Variants in TTLL11 observed in about 807,000 individuals in gnomAD.
TTLL11 encodes tubulin polyglutamylase TTLL11.
A neutral mutation model predicts 51.7 loss-of-function variants in TTLL11; 42 were observed. That is an observed-to-expected ratio of 0.81 (90% CI 0.64 to 1.05). TTLL11 has a LOEUF of 1.05. TTLL11 is among the 50% of genes least tolerant of loss of function. The probability of loss-of-function intolerance (pLI) is 0.00; values close to 1 mark genes in which losing one functional copy is unlikely to be tolerated. For synonymous variants in TTLL11, 381 were observed against 383.5 expected (o/e 0.99, Z 0.08); for missense variants, 799 against 940.4 (o/e 0.85, Z 1.97).
chr9:121,819,457 C>A lies in TTLL11; in HGVS notation c.*3130G>T, dbSNP rs941779661. On this transcript the variant is annotated 3_prime_UTR_variant, in exon 9 of 9. Coordinates refer to ENST00000321582, the MANE Select transcript of TTLL11 (RefSeq NM_001139442.2). ...TAACTTGTCATACTTGGATGTGAAC[C>A]CCCCAAACTGAGCACAGGCTGAGCT... 6.6e-6 allele frequency: 1 copy of A among 152,516 alleles called. No individual in the cohort carries two copies. The highest frequency in any genetic ancestry group is 2.1e-4 in the South Asian group (1 of 4,830). 9.4% of individuals were successfully genotyped at this position (152,516 alleles called of 1,614,324 possible).
chr9:121,876,853 G>A (rs959310739), intron 6 of TTLL11, among the ~76,000 whole-genome samples: 3 of 152,192 alleles, frequency 2.0e-5, no homozygotes, highest in African/African-American at 7.2e-5. Context: ...AACTCTGAGT[G>A]GGCTGGGCAG....
chr9:122,005,769 G>T (rs1166901340), intron 3 of TTLL11, among the ~76,000 whole-genome samples: 1 of 152,152 alleles, frequency 6.6e-6, no homozygotes, highest in African/African-American at 2.4e-5. Flanking sequence ...GGATCCATCC[G>T]TGTAACTCAG....
At chr9:121,941,712 C>A (rs1200668664) in intron 6 of TTLL11, among the ~76,000 whole-genome samples, 1 of 152,198 alleles carries the variant, frequency 6.6e-6, no homozygotes, top group Admixed American at 6.5e-5. Flanking sequence ...TGCCAACTGG[C>A]CCTGCAGCCT....
At chr9:121,923,800 A>G (rs1840623010) in intron 6 of TTLL11, among the ~76,000 whole-genome samples, 1 of 152,172 alleles carries the variant, frequency 6.6e-6, no homozygotes, top group Non-Finnish European at 1.5e-5. Flanking sequence ...TTCATCCTCA[A>G]CTGAAAGAAT....
Position 121,924,492 on chromosome 9 carries a change from G to A in TTLL11, c.1481+49517C>T, listed in dbSNP as rs1840649239. ...GTTCTCATCACAACGTAGCTGAAAA[G>A]GGTTAGGAGATATTGAGAACAATCC... On this transcript the variant is annotated intron_variant, in intron 6 of 8. Coordinates refer to ENST00000321582, the MANE Select transcript of TTLL11 (RefSeq NM_001139442.2). 3.9e-5 allele frequency among the ~76,000 whole-genome samples: 6 copies of A among 152,218 alleles called. No individual in the cohort carries two copies. The South Asian group carries it at 1.2e-3, about 32-fold the overall frequency.
chr9:122,052,273 G>A (rs1845181914), intron 1 of TTLL11, among the ~76,000 whole-genome samples: 1 of 152,136 alleles, frequency 6.6e-6, no homozygotes, highest in Admixed American at 6.5e-5. Flanking sequence ...CAACTGAGGG[G>A]CTCAGGAAGA....
At position 121,821,040 on chromosome 9, in the gene TTLL11, A is replaced by G. The variant is rs1486352686; in HGVS notation, c.*1547T>C. 6.6e-6 allele frequency among the ~76,000 whole-genome samples: 1 copy of G among 152,048 alleles called. No individual in the cohort carries two copies. The highest frequency in any genetic ancestry group is 1.5e-5 in the Non-Finnish European group (1 of 67,998). On this transcript the variant is annotated 3_prime_UTR_variant, in exon 9 of 9. Coordinates refer to ENST00000321582, the MANE Select transcript of TTLL11 (RefSeq NM_001139442.2). This position sits in a 1 kb window ranked among gnomAD's most constrained non-coding sequence, Gnocchi z 5.0. ...GAAGGAGCTCCAGGCAAGGATGAACAGAGCAGCCCCTGCTCTGAAATCGCT... is the reference window on the plus strand; with the variant it reads ...GAAGGAGCTCCAGGCAAGGATGAACGGAGCAGCCCCTGCTCTGAAATCGCT...
intron 8 of TTLL11, among the ~76,000 whole-genome samples, chr9:121,851,773 G>T (rs966310973): frequency 1.3e-5 from 2 of 152,226 alleles, no homozygotes; most frequent in African/African-American, 2.4e-5. Flanking sequence ...CAACAATAAA[G>T]TGTGTGCAAA....
chr9:121,972,124 G>C (rs1408904006), intron 6 of TTLL11, among the ~76,000 whole-genome samples: 1 of 140,544 alleles, frequency 7.1e-6, no homozygotes, highest in East Asian at 2.0e-4. Flanking sequence ...AGAACTTAAA[G>C]TATGAAAAAG....
intron 1 of TTLL11, among the ~76,000 whole-genome samples, chr9:122,061,756 G>C (rs950681215): frequency 6.6e-6 from 1 of 152,002 alleles, no homozygotes; most frequent in South Asian, 2.1e-4. Context: ...TCTTGTCTCA[G>C]CCTCCTGAGT....
chr9:121,971,279 C>T (rs1370964803), intron 6 of TTLL11, among the ~76,000 whole-genome samples: 1 of 113,778 alleles, frequency 8.8e-6, no homozygotes, highest in African/African-American at 3.2e-5. Flanking sequence ...GGGGGTCAGC[C>T]CCCCTGCCCG....
chr9:121,837,809 G>A (rs185161166), intron 8 of TTLL11, among the ~76,000 whole-genome samples: 78 of 152,206 alleles, frequency 5.1e-4, no homozygotes, highest in East Asian at 9.7e-4. Flanking sequence ...CACGCCAAAC[G>A]CCTGGGTACC....
At chr9:122,030,289 G>A (rs535692091) in intron 3 of TTLL11, among the ~76,000 whole-genome samples, 123 of 150,380 alleles carry the variant, frequency 8.2e-4, no homozygotes, top group Middle Eastern at 3.5e-3. Context: ...ACAATTAAAT[G>A]CACCCATTTT....
chr9:121,820,006 C>G lies in TTLL11; in HGVS notation c.*2581G>C, dbSNP rs1288018185. On this transcript the variant is annotated 3_prime_UTR_variant, in exon 9 of 9. Transcript: ENST00000321582. ...ACAGCCTCATTTCCCTAACAATCAG[C>G]AGGGAGGCTCTGTGCCCTGCGGGTG... is the stretch of plus-strand genomic sequence containing the variant. Among the ~76,000 whole-genome samples, 1 of 152,170 alleles carries G rather than the reference C, an allele frequency of 6.6e-6. No homozygotes were observed. The highest frequency in any genetic ancestry group is 2.1e-4 in the South Asian group (1 of 4,828).
At chr9:121,874,724 C>T (rs1006459481) in intron 6 of TTLL11, among the ~76,000 whole-genome samples, 7 of 151,800 alleles carry the variant, frequency 4.6e-5, no homozygotes, top group Non-Finnish European at 8.8e-5. Flanking sequence ...GTGATCAGTC[C>T]CCTGAGTGAT....
intron 6 of TTLL11, among the ~76,000 whole-genome samples, chr9:121,952,141 C>T (rs896607949): frequency 6.6e-6 from 1 of 152,154 alleles, no homozygotes; most frequent in African/African-American, 2.4e-5. Flanking sequence ...AGCCCAACAA[C>T]ACAGCCCAAA....
intron 6 of TTLL11, among the ~76,000 whole-genome samples, chr9:121,938,581 TAAG>T (rs1841323522): frequency 6.6e-6 from 1 of 152,018 alleles, no homozygotes; most frequent in Non-Finnish European, 1.5e-5. Flanking sequence ...TTTCTACAAA[TAAG>T]AAATTTCTAC....
intron 1 of TTLL11, among the ~76,000 whole-genome samples, chr9:122,055,097 G>A (rs1008985445): frequency 6.6e-6 from 1 of 152,068 alleles, no homozygotes; most frequent in South Asian, 2.1e-4. Context: ...AGTATGCTTG[G>A]GGAATGCTCA....
At position 122,044,436 on chromosome 9, in the gene TTLL11, C is replaced by T. The variant is rs1026778344; in HGVS notation, c.463-5068G>A. Reference sequence around the variant, plus strand: ...CTAGATCCCTGAGGAATTGCCACACCGACTTCCACAATGGTTGAACTAGTT... The same window carrying T: ...CTAGATCCCTGAGGAATTGCCACACTGACTTCCACAATGGTTGAACTAGTT... On this transcript the variant is annotated intron_variant, in intron 1 of 8. Transcript: ENST00000321582. Among the ~76,000 whole-genome samples, 4 of 152,130 alleles carry T rather than the reference C, an allele frequency of 2.6e-5. No homozygotes were observed. In the South Asian group the frequency reaches 8.3e-4, roughly 32 times the overall value.
Sources: allele counts gnomAD v4.1 joint callset (sites outside exome capture counted in the v4.1 genomes callset), GRCh38; gene constraint gnomAD v4.1.1; non-coding constraint Gnocchi (gnomAD v3.1); transcripts MANE v1.5; gene names NCBI Gene and HGNC (gene_info 2026-07-23, HGNC 2026-07-21).